PLCB1: variants seen among roughly 807,000 people sequenced by gnomAD.
PLCB1 encodes phospholipase C beta 1, also known as 1-phosphatidylinositol 4,5-bisphosphate phosphodiesterase beta-1.
A neutral mutation model predicts 161.8 loss-of-function variants in PLCB1; 46 were observed. The observed-to-expected ratio is 0.28, with a 90% CI of 0.22 to 0.36. The LOEUF is 0.36. PLCB1 is among the 10% of genes least tolerant of loss of function. PLCB1 has a pLI of 1.00. For synonymous variants in PLCB1, 517 were observed against 503.7 expected (o/e 1.03, Z -0.35); for missense variants, 1,016 against 1,472.5 (o/e 0.69, Z 5.07).
chr20:8,264,953 G>T (rs1981881326), intron 2 of PLCB1, among the ~76,000 whole-genome samples: 1 of 152,062 alleles, frequency 6.6e-6, no homozygotes. Context: ...TGCATTTTAG[G>T]GGGTCAGGGA....
chr20:8,227,169 C>G (rs1979742867), intron 2 of PLCB1, among the ~76,000 whole-genome samples: 1 of 151,970 alleles, frequency 6.6e-6, no homozygotes, highest in Non-Finnish European at 1.5e-5. Context: ...CACAATACAC[C>G]TTAGTTTGGA....
intron 3 of PLCB1, among the ~76,000 whole-genome samples, chr20:8,404,480 G>T (rs1978700722): frequency 6.6e-6 from 1 of 152,104 alleles, no homozygotes; most frequent in Admixed American, 6.6e-5. Context: ...GAGGATAAAA[G>T]GTACAAGTCC....
chr20:8,657,287 AAG>A lies in PLCB1; in HGVS notation c.695+6_695+7del, dbSNP rs749649429. The A allele has an allele frequency of 2.0e-6, 3 of 1,536,812 alleles. No homozygotes were observed. Among genetic ancestry groups the A allele is most frequent in the Non-Finnish European group, 2.7e-6 (3 of 1,109,760 alleles). ...ATTGATAACATCTTTTCAGAATTGT[AAG>A]AGTACACATTTTAAGCCATATCTTT... On this transcript the variant is annotated splice_donor_5th_base_variant and intron_variant, in intron 8 of 31. Coordinates refer to ENST00000338037, the MANE Select transcript of PLCB1 (RefSeq NM_015192.4).
intron 3 of PLCB1, among the ~76,000 whole-genome samples, chr20:8,582,182 T>C (rs1205619765): frequency 1.3e-5 from 2 of 152,298 alleles, no homozygotes; most frequent in Admixed American, 1.3e-4. Flanking sequence ...ATGTAGATGC[T>C]ATTGGTACCT....
chr20:8,387,537 A>G (rs1987460560), intron 3 of PLCB1, among the ~76,000 whole-genome samples: 1 of 152,212 alleles, frequency 6.6e-6, no homozygotes, highest in South Asian at 2.1e-4. Context: ...TAACAGATAT[A>G]TTAATTATTC....
chr20:8,260,101 T>C (rs1340744263), intron 2 of PLCB1, among the ~76,000 whole-genome samples: 2 of 151,924 alleles, frequency 1.3e-5, no homozygotes, highest in Non-Finnish European at 2.9e-5. Context: ...TTTTTTTCTT[T>C]TTTTTTTCAG....
chr20:8,826,412 A>G (rs567815269), intron 31 of PLCB1, among the ~76,000 whole-genome samples: 3 of 151,370 alleles, frequency 2.0e-5, no homozygotes, highest in African/African-American at 7.3e-5. Context: ...GGAGAATGGC[A>G]TGAACCCGGG....
intron 3 of PLCB1, among the ~76,000 whole-genome samples, chr20:8,525,357 C>A (rs1984542349): frequency 2.6e-5 from 4 of 152,018 alleles, no homozygotes; most frequent in Admixed American, 2.6e-4. Context: ...GATTTAGAAG[C>A]ATTTTCAAGG....
At chr20:8,788,139 T>C (rs1167413396) in intron 27 of PLCB1, among the ~76,000 whole-genome samples, 1 of 152,214 alleles carries the variant, frequency 6.6e-6, no homozygotes, top group Non-Finnish European at 1.5e-5. Context: ...GGGTAGAGAT[T>C]GGAACCAGGT....
intron 3 of PLCB1, among the ~76,000 whole-genome samples, chr20:8,402,763 T>A (rs7268759): frequency 0.017 from 2,582 of 151,020 alleles, 80 homozygotes; most frequent in African/African-American, 0.06. Flanking sequence ...GAGAATGGAG[T>A]GAACCTGGGA....
chr20:8,237,225 C>T (rs1406797481), intron 2 of PLCB1, among the ~76,000 whole-genome samples: 1 of 151,768 alleles, frequency 6.6e-6, no homozygotes, highest in African/African-American at 2.4e-5. Flanking sequence ...AAGTATTCAG[C>T]CAAAGGAATA....
chr20:8,535,241 T>G (rs1442459267), intron 3 of PLCB1, among the ~76,000 whole-genome samples: 1 of 149,038 alleles, frequency 6.7e-6, no homozygotes, highest in Non-Finnish European at 1.5e-5. Flanking sequence ...AGAAAACTGT[T>G]TTAAGTATGA....
At chr20:8,862,700 G>C (rs929615134) in intron 31 of PLCB1, among the ~76,000 whole-genome samples, 7 of 152,160 alleles carry the variant, frequency 4.6e-5, no homozygotes, top group African/African-American at 1.7e-4. Context: ...AGGTCAGCAT[G>C]CATCAAGGAC....
At chr20:8,638,879 T>TCA (rs11474151) in intron 4 of PLCB1, among the ~76,000 whole-genome samples, 85,239 of 151,828 alleles carry the variant, frequency 0.56, 24,578 homozygotes, top group African/African-American at 0.68. Context: ...CATGATTCTG[T>TCA]CTTTGCATTT....
rs199820076 is a variant in PLCB1, at chr20:8,475,426, AT to A, written c.246+103977del. The stretch of plus-strand genomic sequence containing the variant: ...CACAGCAAGACCCTGTCTCAAAAAA[AT>A]AAGTGGGAAAAAAAGACAGAGATGT... On this transcript the variant is annotated intron_variant, in intron 3 of 31. Transcript: ENST00000338037. 9.6e-3 allele frequency among the ~76,000 whole-genome samples: 1,456 copies of A among 152,290 alleles called. 25 individuals are homozygous for A. Among genetic ancestry groups the A allele is most frequent in the African/African-American group, 0.033 (1,351 of 41,562 alleles).
At chr20:8,393,269 G>T (rs1600370361) in intron 3 of PLCB1, among the ~76,000 whole-genome samples, 1 of 152,166 alleles carries the variant, frequency 6.6e-6, no homozygotes, top group Non-Finnish European at 1.5e-5. Flanking sequence ...AATGGGCATA[G>T]CTCTGTGAAC....
At chr20:8,335,291 G>T (rs974494793) in intron 2 of PLCB1, among the ~76,000 whole-genome samples, 1 of 152,096 alleles carries the variant, frequency 6.6e-6, no homozygotes, top group Non-Finnish European at 1.5e-5. Context: ...CAGGGCAAAG[G>T]GTCAATATCT....
At chr20:8,437,371 G>A (rs1421594461) in intron 3 of PLCB1, among the ~76,000 whole-genome samples, 1 of 152,164 alleles carries the variant, frequency 6.6e-6, no homozygotes, top group African/African-American at 2.4e-5. Context: ...AATAGTACAG[G>A]AATAGACAAC....
chr20:8,773,424 C>T (rs1982791283), intron 26 of PLCB1, among the ~76,000 whole-genome samples: 1 of 152,202 alleles, frequency 6.6e-6, no homozygotes, highest in Non-Finnish European at 1.5e-5. Context: ...AGGACTCACA[C>T]CATAAGTTAA....
Sources: allele counts gnomAD v4.1 joint callset (sites outside exome capture counted in the v4.1 genomes callset), GRCh38; gene constraint gnomAD v4.1.1; transcripts MANE v1.5; gene names NCBI Gene and HGNC (gene_info 2026-07-23, HGNC 2026-07-21).